The following WDFY3 variants were observed in gnomAD, a reference collection of about 807,000 sequenced individuals.
The protein encoded by WDFY3 is WD repeat and FYVE domain-containing protein 3.
Under a neutral mutation model 409.6 loss-of-function variants are expected in WDFY3, and 66 were observed. The observed-to-expected ratio is 0.16, with a 90% CI of 0.13 to 0.20. The LOEUF is 0.20. Ranked by LOEUF, WDFY3 falls within the 10% of genes least tolerant of loss-of-function variation. The probability of loss-of-function intolerance (pLI) is 1.00; values close to 1 mark genes in which losing one functional copy is unlikely to be tolerated. For missense variants in WDFY3, 3,031 were observed against 4,298.1 expected (o/e 0.71, Z 8.24); for synonymous variants, 1,521 against 1,537.1 (o/e 0.99, Z 0.25).
chr4:84,693,242 G>C (rs551542222), intron 58 of WDFY3, among the ~76,000 whole-genome samples: 2 of 152,214 alleles, frequency 1.3e-5, no homozygotes, highest in South Asian at 4.1e-4. Flanking sequence ...ACAGGACTAT[G>C]ATACTAAAGC....
chr4:84,673,971 A>G (rs942832262), intron 67 of WDFY3, among the ~76,000 whole-genome samples: 2 of 152,112 alleles, frequency 1.3e-5, no homozygotes, highest in Non-Finnish European at 2.9e-5. Context: ...ATGTCCAGAG[A>G]GTAAATTAAG....
intron 49 of WDFY3, among the ~76,000 whole-genome samples, chr4:84,716,298 G>T (rs1278890126): frequency 2.0e-5 from 3 of 151,422 alleles, no homozygotes; most frequent in Admixed American, 2.0e-4. Context: ...AATTAGCTGG[G>T]CGTGGTGGCA....
At chr4:84,923,074 T>C (rs796472305) in intron 2 of WDFY3, among the ~76,000 whole-genome samples, 33 of 152,304 alleles carry the variant, frequency 2.2e-4, no homozygotes, top group African/African-American at 6.0e-4. Flanking sequence ...GACAAAATCA[T>C]CATAGTCTTT....
chr4:84,747,770 C>G (rs1272287468), intron 36 of WDFY3, among the ~76,000 whole-genome samples: 2 of 152,076 alleles, frequency 1.3e-5, no homozygotes, highest in Non-Finnish European at 2.9e-5. Flanking sequence ...CTTGCTGCCA[C>G]CATGTGAAGA....
intron 36 of WDFY3, among the ~76,000 whole-genome samples, chr4:84,750,639 TA>T (rs1160045097): frequency 1.3e-5 from 2 of 152,244 alleles, no homozygotes; most frequent in African/African-American, 4.8e-5. Flanking sequence ...AAAAGAACAT[TA>T]ATGTATATGC....
chr4:84,833,671 G>T (rs547210737), intron 7 of WDFY3, among the ~76,000 whole-genome samples: 42 of 150,940 alleles, frequency 2.8e-4, no homozygotes, highest in African/African-American at 9.8e-4. Flanking sequence ...AAAAAGAAAA[G>T]AAAAGAAAAG....
intron 2 of WDFY3, among the ~76,000 whole-genome samples, chr4:84,915,156 T>A (rs1056454133): frequency 6.6e-6 from 1 of 151,984 alleles, no homozygotes; most frequent in Non-Finnish European, 1.5e-5. Flanking sequence ...AGAATAGAGG[T>A]GGCTAGGAGC....
intron 67 of WDFY3, among the ~76,000 whole-genome samples, chr4:84,674,748 G>A (rs1725970637): frequency 6.6e-6 from 1 of 151,344 alleles, no homozygotes; most frequent in Non-Finnish European, 1.5e-5. Context: ...CACGCCTGTA[G>A]TCCCAGCTAC....
At chr4:84,747,326 C>G (rs893975243) in intron 36 of WDFY3, among the ~76,000 whole-genome samples, 1 of 152,270 alleles carries the variant, frequency 6.6e-6, no homozygotes, top group East Asian at 1.9e-4. Context: ...GGGCTGGAAG[C>G]CTTTAAAGAT....
intron 2 of WDFY3, among the ~76,000 whole-genome samples, chr4:84,905,851 C>T (rs114520577): frequency 0.015 from 2,341 of 152,304 alleles, 31 homozygotes; most frequent in South Asian, 0.024. Context: ...GCAGGGTCTT[C>T]CCTTCTTCCT....
intron 36 of WDFY3, among the ~76,000 whole-genome samples, chr4:84,750,079 T>C (rs1225841305): frequency 2.0e-5 from 3 of 152,204 alleles, no homozygotes; most frequent in African/African-American, 7.2e-5. Context: ...TTTTGATCAG[T>C]TATGCTTTCT....
At chr4:84,809,425 G>A (rs1309872819) in intron 14 of WDFY3, 7 of 153,324 alleles carry the variant, frequency 4.6e-5, no homozygotes, top group African/African-American at 1.5e-4. Context: ...TGAACTTGAC[G>A]GTTCAAGACA....
rs1252863738 is a variant in WDFY3 at position 84,672,057 on chromosome 4, C to T, written c.*811G>A. ...AGTCCACATACAAGTTTAAAAGGGG[C>T]CCTGTTTATGTAGGAACAACACTGA... On this transcript the variant is annotated 3_prime_UTR_variant, in exon 68 of 68. Coordinates refer to ENST00000295888, the MANE Select transcript of WDFY3 (RefSeq NM_014991.6). 2 of 152,188 alleles carry T rather than the reference C, an allele frequency of 1.3e-5. No homozygotes were observed. The highest frequency in any genetic ancestry group is 6.5e-5 in the Admixed American group (1 of 15,278). The allele number at this position is 152,188 out of a possible 1,614,324, so 9.4% of individuals were successfully genotyped here. A position where few individuals can be genotyped will look rare whatever the true frequency, so the allele number is the denominator to read the frequency against.
At chr4:84,750,229 G>C (rs1314889673) in intron 36 of WDFY3, among the ~76,000 whole-genome samples, 2 of 152,118 alleles carry the variant, frequency 1.3e-5, no homozygotes, top group Non-Finnish European at 2.9e-5. Context: ...CCAAAGGGGA[G>C]ACGTTCCATT....
chr4:84,789,664 CA>C, intron 22 of WDFY3, 61 bp downstream of exon 22: 2 of 1,513,784 alleles, frequency 1.3e-6, no homozygotes, highest in African/African-American at 1.4e-5. Flanking sequence ...CACACACACA[CA>C]CACACCCCCC....
intron 3 of WDFY3, among the ~76,000 whole-genome samples, chr4:84,867,966 C>G (rs1205320182): frequency 1.3e-5 from 2 of 151,728 alleles, no homozygotes; most frequent in Non-Finnish European, 2.9e-5. Context: ...GTCAAGAGAT[C>G]AAGATCATCC....
chr4:84,777,172 C>T (rs1209857269), intron 27 of WDFY3, among the ~76,000 whole-genome samples: 1 of 151,778 alleles, frequency 6.6e-6, no homozygotes, highest in Non-Finnish European at 1.5e-5. Flanking sequence ...GAGAGGGATG[C>T]TAAGTTCAGT....
chr4:84,929,055 T>C (rs1770388331), intron 2 of WDFY3, among the ~76,000 whole-genome samples: 1 of 152,142 alleles, frequency 6.6e-6, no homozygotes. Flanking sequence ...GAGACTATAT[T>C]ACAAAAACAC....
At chr4:84,891,459 T>A (rs1156524196) in intron 3 of WDFY3, among the ~76,000 whole-genome samples, 1 of 152,180 alleles carries the variant, frequency 6.6e-6, no homozygotes, top group Non-Finnish European at 1.5e-5. Flanking sequence ...AATATGAGTT[T>A]ACAACTAAAA....
Sources: gnomAD v4.1 joint callset for allele counts (sites outside exome capture counted in the v4.1 genomes callset) on GRCh38, gnomAD v4.1.1 for gene constraint, MANE v1.5 for transcripts, NCBI Gene and HGNC (gene_info 2026-07-23, HGNC 2026-07-21) for gene names.